MAMLD1: variants seen among roughly 807,000 people sequenced by gnomAD.
The protein encoded by MAMLD1 is mastermind like domain containing 1.
MAMLD1 carries 14 observed loss-of-function variants against 45.0 expected under a neutral mutation model. The observed-to-expected ratio is 0.31, with a 90% CI of 0.21 to 0.49. The LOEUF (loss-of-function observed/expected upper bound fraction) is 0.49. Ranked by LOEUF, MAMLD1 falls within the 20% of genes least tolerant of loss-of-function variation. The pLI, the probability that MAMLD1 is intolerant of heterozygous loss-of-function variation, is 0.99. For synonymous variants in MAMLD1, 254 were observed against 247.8 expected (o/e 1.02, Z -0.24); for missense variants, 543 against 603.6 (o/e 0.90, Z 1.05).
intron 1 of MAMLD1, among the ~76,000 whole-genome samples, chrX:150,369,948 G>A (rs1280781148): frequency 9.2e-6 from 1 of 108,805 alleles, no homozygotes; most frequent in African/African-American, 3.4e-5. Context: ...AAAGGGGCAG[G>A]GGTGAACATT....
intron 1 of MAMLD1, among the ~76,000 whole-genome samples, chrX:150,383,769 C>T (rs1439971905): frequency 4.5e-5 from 5 of 111,283 alleles, no homozygotes; most frequent in Non-Finnish European, 9.4e-5. Context: ...CTCAATTACC[C>T]CCTGCCCAAG....
chrX:150,505,614 G>A (rs1463224523), intron 6 of MAMLD1, among the ~76,000 whole-genome samples: 1 of 111,794 alleles, frequency 8.9e-6, no homozygotes, highest in African/African-American at 3.3e-5. Flanking sequence ...ACGCAAAAGG[G>A]CAGGTGTTCA....
chrX:150,422,968 G>A (rs1426231203), intron 1 of MAMLD1, among the ~76,000 whole-genome samples: 4 of 111,595 alleles, frequency 3.6e-5, no homozygotes, highest in Non-Finnish European at 5.7e-5. Flanking sequence ...GAGGGGAGGA[G>A]AGTAAAGAGG....
chrX:150,494,108 A>C, intron 5 of MAMLD1, among the ~76,000 whole-genome samples: 1 of 112,242 alleles, frequency 8.9e-6, no homozygotes, highest in Non-Finnish European at 1.9e-5. Context: ...AAGGAAGTAA[A>C]AAATGGGCCG....
chrX:150,436,408 A>G (rs953539534), intron 1 of MAMLD1, among the ~76,000 whole-genome samples: 3 of 111,654 alleles, frequency 2.7e-5, no homozygotes, highest in Non-Finnish European at 5.6e-5. Flanking sequence ...TCTCAGAGGT[A>G]TTGGTCATTC....
rs1392435349 is a variant in MAMLD1, at chrX:150,504,501, C to G, written c.2284+984C>G. ...CCTTTCAAGGGCTATTGATTTCTCTCTCTCTCAGAGTCACAGAGCTCCTCA... is the reference window on the plus strand; with the variant it reads ...CCTTTCAAGGGCTATTGATTTCTCTGTCTCTCAGAGTCACAGAGCTCCTCA... On this transcript the variant is annotated intron_variant, in intron 6 of 7. Transcript: ENST00000370401. 3 of 641,120 alleles carry G rather than the reference C, an allele frequency of 4.7e-6. No individual in the cohort carries two copies. The Admixed American group carries it at 2.7e-4, about 57-fold the overall frequency. The allele number at this position is 641,120 out of a possible 1,213,427, so 52.8% of individuals were successfully genotyped here.
At chrX:150,423,386 T>TGTGTGTGTGTGTGTGTGTG (rs2034590514) in intron 1 of MAMLD1, among the ~76,000 whole-genome samples, 2 of 96,886 alleles carry the variant, frequency 2.1e-5, no homozygotes, top group Non-Finnish European at 4.0e-5. Flanking sequence ...GTGTGTGTGT[T>TGTGTGTGTGTGTGTGTGTG]TGCACCTTTG....
chrX:150,394,777 T>C (rs2033350098), intron 1 of MAMLD1, among the ~76,000 whole-genome samples: 1 of 111,934 alleles, frequency 8.9e-6, no homozygotes, highest in African/African-American at 3.2e-5. Flanking sequence ...ATTGACCTTG[T>C]GTCCTGTAAC....
At chrX:150,405,848 G>A (rs782091778) in intron 1 of MAMLD1, among the ~76,000 whole-genome samples, 28 of 110,770 alleles carry the variant, frequency 2.5e-4, no homozygotes, top group Non-Finnish European at 5.1e-4. Flanking sequence ...GTGTCAGAAG[G>A]TGCCTGAGGA....
At chrX:150,495,606 C>A (rs2037352393) in intron 5 of MAMLD1, among the ~76,000 whole-genome samples, 2 of 112,500 alleles carry the variant, frequency 1.8e-5, no homozygotes, top group Admixed American at 1.9e-4. Context: ...GAAAGCAGAG[C>A]AGGAAATTCA....
intron 1 of MAMLD1, among the ~76,000 whole-genome samples, chrX:150,419,469 G>C (rs1483114642): frequency 9.2e-6 from 1 of 108,588 alleles, no homozygotes; most frequent in African/African-American, 3.3e-5. Context: ...GTTTGAATTT[G>C]ATCCTGTCAT....
At chrX:150,472,463 G>T (rs2036459151) in intron 4 of MAMLD1, among the ~76,000 whole-genome samples, 1 of 112,537 alleles carries the variant, frequency 8.9e-6, no homozygotes, top group Non-Finnish European at 1.9e-5. Flanking sequence ...GGAAGGATCT[G>T]CTTCCAAGCC....
chrX:150,433,319 A>G (rs1557404143), intron 1 of MAMLD1, among the ~76,000 whole-genome samples: 1 of 112,220 alleles, frequency 8.9e-6, no homozygotes, highest in African/African-American at 3.2e-5. Flanking sequence ...AGGCAAGAAT[A>G]TGGCATTTTC....
In MAMLD1 at chrX:150,503,316, C is replaced by T; in HGVS notation, c.2083C>T (p.Pro695Ser). ...CTGCAAGCTTGGGGAAGCCAGGCAC[C>T]CCCAGGTCAGCCTCGGGCGACAGCC... ...KACKLGEARH[P>S]QVSLGRQPPS... is the part of the protein sequence containing the mutation. The change falls in exon 6 of 8, where the codon CCC (proline) becomes TCC (serine). Residue 695 changes from proline to serine, a missense_variant. Transcript: ENST00000370401. 2 of 1,212,115 alleles carry T rather than the reference C, an allele frequency of 1.7e-6. No homozygotes were observed. Among genetic ancestry groups the T allele is most frequent in the East Asian group, 5.9e-5 (2 of 33,836 alleles).
intron 5 of MAMLD1, 25 bp downstream of exon 5, chrX:150,473,827 C>T: frequency 8.3e-7 from 1 of 1,203,320 alleles, no homozygotes. Flanking sequence ...TTTGTTTTGT[C>T]TTCAATTGGG....
chrX:150,372,491 T>G lies in MAMLD1; in HGVS notation c.-64+8961T>G, dbSNP rs188856815. Among the ~76,000 whole-genome samples, 245 of 112,245 alleles carry G rather than the reference T, an allele frequency of 2.2e-3. 1 individual carries two copies. The highest frequency in any genetic ancestry group is 3.5e-3 in the Non-Finnish European group (186 of 53,224). On this transcript the variant is annotated intron_variant, in intron 1 of 7. Transcript: ENST00000370401. Reference sequence around the variant, plus strand: ...AACGTCACATGGTTTGCGTGTCTAATTCTGAAAGACTGGCATGCTTTATGC... The same window carrying G: ...AACGTCACATGGTTTGCGTGTCTAAGTCTGAAAGACTGGCATGCTTTATGC...
intron 1 of MAMLD1, among the ~76,000 whole-genome samples, chrX:150,367,734 G>A (rs5925516): frequency 0.14 from 13,167 of 93,671 alleles, 778 homozygotes; most frequent in Middle Eastern, 0.16. Context: ...GACAGGCCCC[G>A]GTGTGTGATG....
In MAMLD1 at chrX:150,368,173, C is replaced by G. The variant is rs1407525589; in HGVS notation, c.-64+4643C>G. Among the ~76,000 whole-genome samples, 640 of 111,631 alleles carry G rather than the reference C, an allele frequency of 5.7e-3. 4 individuals carry two copies. Among genetic ancestry groups the G allele is most frequent in the African/African-American group, 0.019 (589 of 30,671 alleles). On this transcript the variant is annotated intron_variant, in intron 1 of 7. Transcript: ENST00000370401. The stretch of plus-strand genomic sequence containing the variant: ...ATGGTTGAACTAGTTTACAGTCCCA[C>G]CAACAGTGTAAAAGTGTTCCTATTT...
At chrX:150,508,667 T>C (rs2037809531) in intron 6 of MAMLD1, among the ~76,000 whole-genome samples, 1 of 112,097 alleles carries the variant, frequency 8.9e-6, no homozygotes, top group Admixed American at 9.3e-5. Flanking sequence ...CCCGCCCCAC[T>C]CCCACCAGCC....
Sources: allele counts gnomAD v4.1 joint callset (sites outside exome capture counted in the v4.1 genomes callset), GRCh38; gene constraint gnomAD v4.1.1; transcripts MANE v1.5; gene names NCBI Gene and HGNC (gene_info 2026-07-23, HGNC 2026-07-21).